TMOD1: variants seen among roughly 807,000 people sequenced by gnomAD.
TMOD1 encodes tropomodulin-1.
In TMOD1, 17 loss-of-function variants were observed where a neutral mutation model predicts 40.6. The ratio of observed to expected loss-of-function variants is 0.42; its 90% CI spans 0.29 to 0.63. TMOD1 has a LOEUF of 0.63. Among genes scored for constraint, TMOD1 ranks in the 20% least tolerant of loss-of-function variants. The pLI, the probability that TMOD1 is intolerant of heterozygous loss-of-function variation, is 0.22. For missense variants in TMOD1, 391 were observed against 447.6 expected, an observed-to-expected ratio of 0.87 and a Z score of 1.14; for synonymous variants, 181 against 175.0, an observed-to-expected ratio of 1.03 and a Z score of -0.27.
rs1290748179 is a variant in TMOD1 at position 97,509,537 on chromosome 9, G to A, written c.-49+7734G>A. Among the ~76,000 whole-genome samples, 5 of 141,132 alleles carry A rather than the reference G, an allele frequency of 3.5e-5. No individual in the cohort carries two copies. The South Asian group carries it at 1.1e-3, about 31-fold the overall frequency. The allele number at this position is 141,132 out of a possible 152,430, so 92.6% of individuals were successfully genotyped here. On this transcript the variant is annotated intron_variant, in intron 1 of 9. Transcript: ENST00000259365. ...GTTTTTTGTTTTTTTTTTAGACAAG[G>A]TCTCACTCTTTCACCCAGGCTGGAG...
chr9:97,586,736 G>A (rs1825881811), intron 8 of TMOD1, among the ~76,000 whole-genome samples: 1 of 152,184 alleles, frequency 6.6e-6, no homozygotes, highest in South Asian at 2.1e-4. Flanking sequence ...CGTCGGAAAA[G>A]CGCAGTATTC....
intron 1 of TMOD1, among the ~76,000 whole-genome samples, chr9:97,510,943 C>A (rs1008168720): frequency 3.9e-5 from 6 of 152,046 alleles, no homozygotes; most frequent in African/African-American, 1.4e-4. Flanking sequence ...GTGGGCAGGC[C>A]AGCTGAGACA....
chr9:97,529,069 T>G (rs1048528007), intron 2 of TMOD1, among the ~76,000 whole-genome samples: 2 of 152,194 alleles, frequency 1.3e-5, no homozygotes, highest in Non-Finnish European at 2.9e-5. Context: ...CCACTGCGTG[T>G]GGGTCTGGAG....
Position 97,599,861 on chromosome 9 carries a change from A to C in TMOD1, c.*163A>C. ...GGTTGACTAGTGGTTGTAGTTGAAA[A>C]TTTTATAAAATACCGTTAATGTGAA... On this transcript the variant is annotated 3_prime_UTR_variant, in exon 10 of 10. Coordinates refer to ENST00000259365, the MANE Select transcript of TMOD1 (RefSeq NM_003275.4). 7.1e-7 allele frequency: 1 copy of C among 1,405,252 alleles called. No homozygotes were observed. 87.0% of individuals were successfully genotyped at this position (1,405,252 alleles called of 1,614,324 possible).
rs1826075355 is a variant in TMOD1, at chr9:97,594,911, GA to G, written c.1015+3478del. ...CAGCTCTCTCCACTTAGCAAAATCT[GA>G]ATTGCAGCCTGTGAGTTAAGACAGT... On this transcript the variant is annotated intron_variant, in intron 9 of 9. Transcript: ENST00000259365. Among the ~76,000 whole-genome samples, 11 of 152,244 alleles carry G rather than the reference GA, an allele frequency of 7.2e-5. No homozygotes were observed. The South Asian group carries it at 2.1e-3, about 29-fold the overall frequency.
chr9:97,518,524 T>C (rs567317143), intron 1 of TMOD1, among the ~76,000 whole-genome samples: 4 of 152,376 alleles, frequency 2.6e-5, no homozygotes, highest in Non-Finnish European at 5.9e-5. Context: ...AGAACTCCTC[T>C]TTTACCCAAC....
At chr9:97,524,495 A>AGGGG (rs1554753939) in intron 2 of TMOD1, among the ~76,000 whole-genome samples, 187 bp downstream of exon 2, 2 of 92,350 alleles carry the variant, frequency 2.2e-5, no homozygotes, top group East Asian at 5.9e-4. Flanking sequence ...GAGAACCAAT[A>AGGGG]GGGTGTGTGT....
At chr9:97,501,432 A>T (rs1197862738), upstream of TMOD1, among the ~76,000 whole-genome samples, 3 of 152,100 alleles carry the variant, frequency 2.0e-5, no homozygotes, top group Non-Finnish European at 4.4e-5. Context: ...GGGGAAGCGG[A>T]GGAGACCCAG....
At chr9:97,519,765 A>G (rs1401911264) in intron 1 of TMOD1, among the ~76,000 whole-genome samples, 1 of 152,148 alleles carries the variant, frequency 6.6e-6, no homozygotes, top group Non-Finnish European at 1.5e-5. Context: ...AGACACATAG[A>G]ACACGGGTCC....
At chr9:97,586,668 G>C (rs1287879667) in intron 8 of TMOD1, among the ~76,000 whole-genome samples, 1 of 149,874 alleles carries the variant, frequency 6.7e-6, no homozygotes. Flanking sequence ...CTCTGTGGGC[G>C]TAGGACCCTC....
chr9:97,574,560 G>C (rs886670972), intron 8 of TMOD1, among the ~76,000 whole-genome samples: 2 of 152,248 alleles, frequency 1.3e-5, no homozygotes, highest in African/African-American at 4.8e-5. Flanking sequence ...AGGAGTGCGG[G>C]CGCAGGGCGC....
At chr9:97,538,365 G>A (rs1830218539) in intron 2 of TMOD1, among the ~76,000 whole-genome samples, 1 of 152,034 alleles carries the variant, frequency 6.6e-6, no homozygotes, top group Non-Finnish European at 1.5e-5. Context: ...CCTGTCTTTG[G>A]GGTAAGGATG....
At chr9:97,542,103 T>C (rs1373289837) in intron 2 of TMOD1, among the ~76,000 whole-genome samples, 1 of 152,240 alleles carries the variant, frequency 6.6e-6, no homozygotes, top group African/African-American at 2.4e-5. Context: ...AAATGTTTTA[T>C]AGTGTAGTTC....
rs188297190 is a variant in TMOD1, at chr9:97,551,524, G to A, written c.278-1757G>A. Among the ~76,000 whole-genome samples the A allele has an allele frequency of 2.4e-3, 368 of 152,276 alleles. 1 individual carries two copies. Among genetic ancestry groups the A allele is most frequent in the African/African-American group, 8.6e-3 (356 of 41,544 alleles). ...AAATCAATTTGCCATAGATGTTTGAGTTTCTTTCTGGACTCTGAATTCTAT... is the reference window on the plus strand; with the variant it reads ...AAATCAATTTGCCATAGATGTTTGAATTTCTTTCTGGACTCTGAATTCTAT... On this transcript the variant is annotated intron_variant, in intron 3 of 9. Coordinates refer to ENST00000259365, the MANE Select transcript of TMOD1 (RefSeq NM_003275.4).
chr9:97,540,922 T>G (rs1297256998), intron 2 of TMOD1, among the ~76,000 whole-genome samples: 1 of 152,250 alleles, frequency 6.6e-6, no homozygotes, highest in Non-Finnish European at 1.5e-5. Flanking sequence ...CACAACTATT[T>G]TCCAAAAGGG....
At chr9:97,519,155 G>A (rs990861420) in intron 1 of TMOD1, among the ~76,000 whole-genome samples, 13 of 152,142 alleles carry the variant, frequency 8.5e-5, no homozygotes, top group Non-Finnish European at 1.6e-4. Flanking sequence ...TGACTGGACC[G>A]GCTGCCCGTG....
chr9:97,523,760 G>T (rs1829953920), intron 1 of TMOD1, among the ~76,000 whole-genome samples: 1 of 152,016 alleles, frequency 6.6e-6, no homozygotes, highest in Admixed American at 6.5e-5. Context: ...ACTCAGTTTT[G>T]GCAGAGTTTC....
At chr9:97,560,846 G>C (rs1468903879) in intron 4 of TMOD1, among the ~76,000 whole-genome samples, 1 of 151,880 alleles carries the variant, frequency 6.6e-6, no homozygotes, top group Non-Finnish European at 1.5e-5. Context: ...CTGGGCAACA[G>C]AGCGAGACTC....
At chr9:97,516,453 C>T (rs1829811352) in intron 1 of TMOD1, 2 of 152,914 alleles carry the variant, frequency 1.3e-5, no homozygotes, top group African/African-American at 4.8e-5. Context: ...TGCTCTCTAT[C>T]CATCCATGGG....
Sources: allele counts gnomAD v4.1 joint callset (sites outside exome capture counted in the v4.1 genomes callset), GRCh38; gene constraint gnomAD v4.1.1; transcripts MANE v1.5; gene names NCBI Gene and HGNC (gene_info 2026-07-23, HGNC 2026-07-21).